Variants in KCTD12 observed in about 807,000 individuals in gnomAD.
The protein encoded by KCTD12 is potassium channel tetramerization domain containing 12, also known as BTB/POZ domain-containing protein KCTD12.
A neutral mutation model predicts 22.6 loss-of-function variants in KCTD12; 16 were observed. The ratio of observed to expected loss-of-function variants is 0.71; its 90% CI spans 0.48 to 1.07. KCTD12 has a LOEUF of 1.07. KCTD12 is among the 50% of genes least tolerant of loss of function. KCTD12 has a pLI of 0.00. For synonymous variants in KCTD12, 260 were observed against 228.0 expected (o/e 1.14, Z -1.26); for missense variants, 452 against 469.2 (o/e 0.96, Z 0.34).
chr13:76,886,282 G>GCCGCCACTGCCA lies in KCTD12; in HGVS notation c.-135_-134insTGGCAGTGGCGG, dbSNP rs1555308962. 2.2e-5 allele frequency: 24 copies of GCCGCCACTGCCA among 1,092,582 alleles called. No homozygotes were observed. Among genetic ancestry groups the GCCGCCACTGCCA allele is most frequent in the Admixed American group, 1.8e-4 (4 of 22,446 alleles). 67.7% of individuals were successfully genotyped at this position (1,092,582 alleles called of 1,614,324 possible). A position where few individuals can be genotyped will look rare whatever the true frequency, so the allele number is the denominator to read the frequency against. ...CCCCGCCGCCGCCGCCGCCGCCACC[G>GCCGCCACTGCCA]CCGCCACCGCCACCGCCGCCACCTC... On this transcript the variant is annotated 5_prime_UTR_variant, in exon 1 of 1. Coordinates refer to ENST00000377474, the MANE Select transcript of KCTD12 (RefSeq NM_138444.4).
At position 76,884,879 on chromosome 13, in the gene KCTD12, G is replaced by A. The variant is rs2033243800; in HGVS notation, c.*292C>T. The A allele has an allele frequency of 6.8e-5, 27 of 394,970 alleles. No homozygotes were observed. In the South Asian group the frequency reaches 7.8e-4, roughly 11 times the overall value. The allele number at this position is 394,970 out of a possible 1,614,324, so 24.5% of individuals were successfully genotyped here. ...CTGAAGTACCATCTGGGGGAGGGGTGGTTTGAGGCAGGGAGTAGAGAAAGC... is the reference window on the plus strand; with the variant it reads ...CTGAAGTACCATCTGGGGGAGGGGTAGTTTGAGGCAGGGAGTAGAGAAAGC... On this transcript the variant is annotated 3_prime_UTR_variant, in exon 1 of 1. Coordinates refer to ENST00000377474, the MANE Select transcript of KCTD12 (RefSeq NM_138444.4).
In KCTD12 at chr13:76,885,598, C is replaced by A. The variant is rs754019513; in HGVS notation, c.551G>T (p.Arg184Leu). Residue 184 changes from arginine to leucine, a missense_variant, in exon 1 of 1, where the codon CGC becomes CTC. Arg to Leu is a moderately radical substitution (Grantham distance 102). Transcript: ENST00000377474. The surrounding 1 kb of genome is among the most constrained non-coding windows in gnomAD (Gnocchi z 5.1). ...GCCCGCCGCGCCCCCGGACGGACTG[C>A]GGCTAGCCAGCTCCAGCGTGGGCGA... is the stretch of plus-strand genomic sequence containing the variant. ...APSPTLELAS[R>L]SPSGGAAGPL... 78 of 1,528,046 alleles carry A rather than the reference C, an allele frequency of 5.1e-5. 1 individual carries two copies. The highest frequency in any genetic ancestry group is 1.2e-5 in the South Asian group (1 of 81,514). The allele number at this position is 1,528,046 out of a possible 1,614,324, so 94.7% of individuals were successfully genotyped here. A position where few individuals can be genotyped will look rare whatever the true frequency, so the allele number is the denominator to read the frequency against.
rs1247816490 is a variant in KCTD12 at position 76,885,798 on chromosome 13, G to C, written c.351C>G (p.Ala117=). Residue 117 remains alanine (A), a synonymous_variant, in exon 1 of 1, where the codon GCC becomes GCG. Coordinates refer to ENST00000377474, the MANE Select transcript of KCTD12 (RefSeq NM_138444.4). This position sits in a 1 kb window ranked among gnomAD's most constrained non-coding sequence, Gnocchi z 5.1. Reference sequence around the variant, plus strand: ...CGAGCTCTGGCAGCTCGAAGTACTCGGCCTCGCGCTGCAGCCGGCTGCGCT... The same window carrying C: ...CGAGCTCTGGCAGCTCGAAGTACTCCGCCTCGCGCTGCAGCCGGCTGCGCT... ...FPERSRLQRE[A]EYFELPELVR... The C allele has an allele frequency of 6.3e-7, 1 of 1,589,100 alleles. No homozygotes were observed. Among genetic ancestry groups the C allele is most frequent in the East Asian group, 2.3e-5 (1 of 43,788 alleles).
At position 76,885,537 on chromosome 13, in the gene KCTD12, G is replaced by A; in HGVS notation, c.612C>T (p.Ser204=). 6.4e-7 allele frequency: 1 copy of A among 1,572,742 alleles called. No individual in the cohort carries two copies. The part of the protein sequence containing the change: ...LLTPSQSLDG[S]RRSGYITIGY... ...CGATGGTGATGTAGCCCGAGCGCCG[G>A]CTGCCGTCCAGCGACTGGGACGGCG... Residue 204 remains serine (S), a synonymous_variant, in exon 1 of 1, where the codon AGC becomes AGT. Transcript: ENST00000377474. The surrounding 1 kb of genome is among the most constrained non-coding windows in gnomAD (Gnocchi z 5.1).
Position 76,884,904 on chromosome 13 carries a change from C to T in KCTD12, c.*267G>A. On this transcript the variant is annotated 3_prime_UTR_variant, in exon 1 of 1. Transcript: ENST00000377474. The stretch of plus-strand genomic sequence containing the variant: ...GGTTTGAGGCAGGGAGTAGAGAAAG[C>T]ATGGAGTGGTAGGTGGGGGTGGGGT... 2.3e-6 allele frequency: 1 copy of T among 440,340 alleles called. No homozygotes were observed. Among genetic ancestry groups the T allele is most frequent in the South Asian group, 3.0e-5 (1 of 33,610 alleles). The allele number at this position is 440,340 out of a possible 1,614,324, so 27.3% of individuals were successfully genotyped here. A position where few individuals can be genotyped will look rare whatever the true frequency, so the allele number is the denominator to read the frequency against.
Position 76,886,285 on chromosome 13 carries a change from G to GCCACCACCA in KCTD12, c.-138_-137insTGGTGGTGG. ...CGCCGCCGCCGCCGCCGCCACCGCC[G>GCCACCACCA]CCACCGCCACCGCCGCCACCTCCTA... On this transcript the variant is annotated 5_prime_UTR_variant, in exon 1 of 1. Transcript: ENST00000377474. The GCCACCACCA allele has an allele frequency of 2.0e-6, 2 of 1,015,746 alleles. No individual in the cohort carries two copies. Among genetic ancestry groups the GCCACCACCA allele is most frequent in the Non-Finnish European group, 2.6e-6 (2 of 778,380 alleles). 62.9% of individuals were successfully genotyped at this position (1,015,746 alleles called of 1,614,324 possible). A position where few individuals can be genotyped will look rare whatever the true frequency, so the allele number is the denominator to read the frequency against.
rs1356338387 is a variant in KCTD12 at position 76,885,599 on chromosome 13, G to C, written c.550C>G (p.Arg184Gly). 3 of 1,529,028 alleles carry C rather than the reference G, an allele frequency of 2.0e-6. No homozygotes were observed. In the Admixed American group the frequency reaches 6.1e-5, roughly 31 times the overall value. 94.7% of individuals were successfully genotyped at this position (1,529,028 alleles called of 1,614,324 possible). A position where few individuals can be genotyped will look rare whatever the true frequency, so the allele number is the denominator to read the frequency against. The change falls in exon 1 of 1, where the codon CGC becomes GGC. Residue 184 changes from arginine (R) to glycine (G), a missense_variant. Around this residue, in one of 2 missense-constraint regions of KCTD12, gnomAD observed 330 missense variants for 296.5 expected, o/e 1.11. Coordinates refer to ENST00000377474, the MANE Select transcript of KCTD12 (RefSeq NM_138444.4). This position sits in a 1 kb window ranked among gnomAD's most constrained non-coding sequence, Gnocchi z 5.1. Reference sequence around the variant, plus strand: ...CCCGCCGCGCCCCCGGACGGACTGCGGCTAGCCAGCTCCAGCGTGGGCGAC... The same window carrying C: ...CCCGCCGCGCCCCCGGACGGACTGCCGCTAGCCAGCTCCAGCGTGGGCGAC... ...APSPTLELAS[R>G]SPSGGAAGPL...
chr13:76,882,761 C>A lies in KCTD12; in HGVS notation c.*2410G>T, dbSNP rs1450961494. The A allele has an allele frequency of 8.7e-6, 1 of 114,938 alleles. No homozygotes were observed. 7.1% of individuals were successfully genotyped at this position (114,938 alleles called of 1,614,324 possible). On this transcript the variant is annotated 3_prime_UTR_variant, in exon 1 of 1. Transcript: ENST00000377474. ...TTACTTAGTCTGAGACCAAACTCAACATACAAGCAAGCACAACTTCCTAGA... is the reference window on the plus strand; with the variant it reads ...TTACTTAGTCTGAGACCAAACTCAAAATACAAGCAAGCACAACTTCCTAGA...
rs1475050681 is a variant in KCTD12 at position 76,886,056 on chromosome 13, G to A, written c.93C>T (p.Leu31=). 1.8e-5 allele frequency: 29 copies of A among 1,578,350 alleles called. No homozygotes were observed. Among genetic ancestry groups the A allele is most frequent in the Non-Finnish European group, 2.3e-5 (27 of 1,165,304 alleles). Reference sequence around the variant, plus strand: ...CGTTCAGCTCCACGATGTCGGGGAAGAGCGGTGGCTCCGCGGAGGACGACG... The same window carrying A: ...CGTTCAGCTCCACGATGTCGGGGAAAAGCGGTGGCTCCGCGGAGGACGACG... ...GSSSSSAEPP[L]FPDIVELNVG... The change falls in exon 1 of 1, where the codon CTC becomes CTT. Residue 31 remains leucine (L), a synonymous_variant. Transcript: ENST00000377474.
chr13:76,885,637 G>A lies in KCTD12; in HGVS notation c.512C>T (p.Ser171Phe), dbSNP rs1593866852. The A allele has an allele frequency of 1.3e-6, 2 of 1,496,170 alleles. No homozygotes were observed. The highest frequency in any genetic ancestry group is 1.8e-6 in the Non-Finnish European group (2 of 1,134,618). The allele number at this position is 1,496,170 out of a possible 1,614,324, so 92.7% of individuals were successfully genotyped here. The change falls in exon 1 of 1, where the codon TCT becomes TTT. Residue 171 changes from serine to phenylalanine, a missense_variant. Ser to Phe is a radical substitution (Grantham distance 155, BLOSUM62 -2). Around this residue, in one of 2 missense-constraint regions of KCTD12, gnomAD observed 330 missense variants for 296.5 expected, o/e 1.11. Coordinates refer to ENST00000377474, the MANE Select transcript of KCTD12 (RefSeq NM_138444.4). The surrounding 1 kb of genome is among the most constrained non-coding windows in gnomAD (Gnocchi z 5.1). The part of the protein sequence containing the change: ...YSEPEQQEGA[S>F]AGAPSPTLEL... ...CAGCGTGGGCGACGGCGCCCCGGCA[G>A]AGGCGCCCTCCTGCTGTTCGGGCTC... is the stretch of plus-strand genomic sequence containing the variant.
chr13:76,886,379 C>G lies in KCTD12; in HGVS notation c.-231G>C, dbSNP rs1481870618. The G allele has an allele frequency of 3.5e-6, 1 of 289,500 alleles. No homozygotes were observed. 17.9% of individuals were successfully genotyped at this position (289,500 alleles called of 1,614,324 possible). ...CCCTTGAGTTCCAGTGCGCTCCGCC[C>G]GCCTTGCCCGCGCGCTCCAGGCGAG... On this transcript the variant is annotated 5_prime_UTR_variant, in exon 1 of 1. Coordinates refer to ENST00000377474, the MANE Select transcript of KCTD12 (RefSeq NM_138444.4).
At position 76,884,958 on chromosome 13, in the gene KCTD12, G is replaced by C. The variant is rs113344946; in HGVS notation, c.*213C>G. On this transcript the variant is annotated 3_prime_UTR_variant, in exon 1 of 1. Coordinates refer to ENST00000377474, the MANE Select transcript of KCTD12 (RefSeq NM_138444.4). ...GGTTCCTCTGGGTTCTCTCGGTTCA[G>C]GAGGTCCAAAGAAGACGAAGCAGCC... is the stretch of plus-strand genomic sequence containing the variant. The C allele has an allele frequency of 3.2e-3, 1,851 of 573,948 alleles. 23 individuals carry two copies. Among genetic ancestry groups the C allele is most frequent in the African/African-American group, 0.031 (1,665 of 53,196 alleles). 35.6% of individuals were successfully genotyped at this position (573,948 alleles called of 1,614,324 possible).
In KCTD12 at chr13:76,884,638, T is replaced by C. The variant is rs1226859943; in HGVS notation, c.*533A>G. The C allele has an allele frequency of 1.3e-5, 2 of 152,710 alleles. No individual in the cohort carries two copies. The highest frequency in any genetic ancestry group is 2.1e-4 in the South Asian group (1 of 4,856). 9.5% of individuals were successfully genotyped at this position (152,710 alleles called of 1,614,324 possible). A position where few individuals can be genotyped will look rare whatever the true frequency, so the allele number is the denominator to read the frequency against. On this transcript the variant is annotated 3_prime_UTR_variant, in exon 1 of 1. Coordinates refer to ENST00000377474, the MANE Select transcript of KCTD12 (RefSeq NM_138444.4). ...AATCTTCCATCCAGCCTTCTAAAAC[T>C]CTACCTTCAAAAGAGGTCAAAAAGA...
In KCTD12 at chr13:76,885,420, C is replaced by G; in HGVS notation, c.729G>C (p.Ser243=). ...VARITVCGKT[S]LAKEVFGDTL... ...TGTCCCCAAACACCTCCTTGGCCAG[C>G]GACGTCTTTCCGCAAACGGTGATGC... Residue 243 remains serine, a synonymous_variant, in exon 1 of 1, where the codon TCG becomes TCC. Transcript: ENST00000377474. The surrounding 1 kb of genome is among the most constrained non-coding windows in gnomAD (Gnocchi z 5.1). 1 of 1,613,076 alleles carries G rather than the reference C, an allele frequency of 6.2e-7. No individual in the cohort carries two copies. Among genetic ancestry groups the G allele is most frequent in the South Asian group, 1.1e-5 (1 of 91,060 alleles).
rs746350020 is a variant in KCTD12, at chr13:76,885,927, C to T, written c.222G>A (p.Arg74=). The change falls in exon 1 of 1, where the codon CGG becomes CGA. Residue 74 remains arginine, a synonymous_variant. Transcript: ENST00000377474. The surrounding 1 kb of genome is among the most constrained non-coding windows in gnomAD (Gnocchi z 5.1). ...FTQQQPQELA[R]DSKGRFFLDR... ...CCAGAAAGAAGCGGCCTTTGCTGTC[C>T]CGGGCCAGCTCCTGCGGCTGCTGCT... 1 of 1,594,696 alleles carries T rather than the reference C, an allele frequency of 6.3e-7. No individual in the cohort carries two copies. Among genetic ancestry groups the T allele is most frequent in the Admixed American group, 1.7e-5 (1 of 59,430 alleles).
chr13:76,886,126 C>T lies in KCTD12; in HGVS notation c.23G>A (p.Arg8His). MALADST[R>H]GLPNGGGGGG... ...GCCGCCGCCCCCGTTGGGTAATCCACGTGTGCTGTCCGCCAGAGCCATGAC... is the reference window on the plus strand; with the variant it reads ...GCCGCCGCCCCCGTTGGGTAATCCATGTGTGCTGTCCGCCAGAGCCATGAC... The change falls in exon 1 of 1, where the codon CGT becomes CAT. Residue 8 changes from arginine (R) to histidine (H), a missense_variant. Around this residue, in one of 2 missense-constraint regions of KCTD12, gnomAD observed 330 missense variants for 296.5 expected, o/e 1.11. Transcript: ENST00000377474. 5 of 1,529,032 alleles carry T rather than the reference C, an allele frequency of 3.3e-6. No individual in the cohort carries two copies. The highest frequency in any genetic ancestry group is 2.6e-6 in the Non-Finnish European group (3 of 1,138,440). 94.7% of individuals were successfully genotyped at this position (1,529,032 alleles called of 1,614,324 possible). A position where few individuals can be genotyped will look rare whatever the true frequency, so the allele number is the denominator to read the frequency against.
rs1337611900 is a variant in KCTD12 at position 76,880,470 on chromosome 13, C to G, written c.*4701G>C. The G allele has an allele frequency of 6.6e-6, 1 of 152,066 alleles. No homozygotes were observed. The highest frequency in any genetic ancestry group is 2.4e-5 in the African/African-American group (1 of 41,418). The allele number at this position is 152,066 out of a possible 1,614,324, so 9.4% of individuals were successfully genotyped here. A position where few individuals can be genotyped will look rare whatever the true frequency, so the allele number is the denominator to read the frequency against. ...TGATAATCTTATAAGATTTTTTCTG[C>G]TCTTCTTACATTTAGAGAAAATGGT... On this transcript the variant is annotated 3_prime_UTR_variant, in exon 1 of 1. Coordinates refer to ENST00000377474, the MANE Select transcript of KCTD12 (RefSeq NM_138444.4).
In KCTD12 at chr13:76,881,370, A is replaced by G. The variant is rs2033200826; in HGVS notation, c.*3801T>C. ...TGTAATTTAGCATTTTGCATGTGGG[A>G]GTACACAAATGAATTGAATATTGGA... On this transcript the variant is annotated 3_prime_UTR_variant, in exon 1 of 1. Coordinates refer to ENST00000377474, the MANE Select transcript of KCTD12 (RefSeq NM_138444.4). 6.6e-6 allele frequency: 1 copy of G among 152,614 alleles called. No homozygotes were observed. Among genetic ancestry groups the G allele is most frequent in the Non-Finnish European group, 1.5e-5 (1 of 68,008 alleles). The allele number at this position is 152,614 out of a possible 1,614,324, so 9.5% of individuals were successfully genotyped here. A position where few individuals can be genotyped will look rare whatever the true frequency, so the allele number is the denominator to read the frequency against.
chr13:76,886,116 G>C lies in KCTD12; in HGVS notation c.33C>G (p.Pro11=), dbSNP rs759413026. 10 of 1,537,766 alleles carry C rather than the reference G, an allele frequency of 6.5e-6. No homozygotes were observed. The change falls in exon 1 of 1, where the codon CCC becomes CCG. Residue 11 remains proline (P), a synonymous_variant. Transcript: ENST00000377474. MALADSTRGL[P]NGGGGGGGSG... Reference sequence around the variant, plus strand: ...TGCCGCCCCCGCCGCCGCCCCCGTTGGGTAATCCACGTGTGCTGTCCGCCA... The same window carrying C: ...TGCCGCCCCCGCCGCCGCCCCCGTTCGGTAATCCACGTGTGCTGTCCGCCA...
Sources: gnomAD v4.1 joint callset for allele counts on GRCh38, gnomAD v4.1.1 for gene constraint, gnomAD v4.1.1 regional missense constraint, Gnocchi (gnomAD v3.1) non-coding constraint, MANE v1.5 for transcripts, NCBI Gene and HGNC (gene_info 2026-07-23, HGNC 2026-07-21) for gene names.